PRMT8: variants seen among roughly 807,000 people sequenced by gnomAD.
The protein encoded by PRMT8 is protein arginine methyltransferase 8, also known as protein arginine N-methyltransferase 8.
PRMT8 carries 7 observed loss-of-function variants against 47.1 expected under a neutral mutation model. The ratio of observed to expected loss-of-function variants is 0.15; its 90% CI spans 0.08 to 0.28. The LOEUF is 0.28. Ranked by LOEUF, PRMT8 falls within the 10% of genes least tolerant of loss-of-function variation. The pLI, the probability that PRMT8 is intolerant of heterozygous loss-of-function variation, is 1.00. For missense variants in PRMT8, 237 were observed against 505.4 expected (o/e 0.47, Z 5.09); for synonymous variants, 188 against 186.5 (o/e 1.01, Z -0.07).
upstream of PRMT8, among the ~76,000 whole-genome samples, chr12:3,490,703 GAGAGAGAGAGAGAGAGA>G: frequency 6.9e-6 from 1 of 144,460 alleles, no homozygotes; most frequent in East Asian, 1.9e-4. Context: ...GAGAGAGAGA[GAGAGAGAGAGAGAGAGA>G]AAAGGATAAA....
intron 1 of PRMT8, among the ~76,000 whole-genome samples, chr12:3,527,318 C>T (rs1288087002): frequency 1.3e-5 from 2 of 151,942 alleles, no homozygotes; most frequent in Non-Finnish European, 2.9e-5. Flanking sequence ...GACAGTTAAG[C>T]TACTAAGTGA....
intron 1 of PRMT8, among the ~76,000 whole-genome samples, chr12:3,393,547 G>C (rs1015822075): frequency 1.3e-5 from 2 of 152,064 alleles, no homozygotes; most frequent in Non-Finnish European, 2.9e-5. Flanking sequence ...TATTTCTGAG[G>C]GCTCTGTTCT....
At chr12:3,519,237 G>C (rs532276851) in intron 1 of PRMT8, among the ~76,000 whole-genome samples, 5 of 152,196 alleles carry the variant, frequency 3.3e-5, no homozygotes, top group Admixed American at 1.3e-4. Context: ...ATGACAGAGA[G>C]AGAGAGAGAA....
At chr12:3,524,674 C>G (rs1006786007) in intron 1 of PRMT8, among the ~76,000 whole-genome samples, 1 of 150,812 alleles carries the variant, frequency 6.6e-6, no homozygotes, top group Non-Finnish European at 1.5e-5. Context: ...CACCTGAAGC[C>G]CCTACCCAAC....
intron 1 of PRMT8, among the ~76,000 whole-genome samples, chr12:3,447,775 T>A (rs1317246278): frequency 6.6e-6 from 1 of 152,220 alleles, no homozygotes; most frequent in Non-Finnish European, 1.5e-5. Context: ...TGACACATCA[T>A]CAAGGCTTAA....
intron 1 of PRMT8, among the ~76,000 whole-genome samples, chr12:3,496,214 A>ATTTTTTTTTTTTTTT (rs1555085718): frequency 3.6e-5 from 1 of 27,776 alleles, no homozygotes; most frequent in African/African-American, 8.8e-5. Context: ...ATATATATAT[A>ATTTTTTTTTTTTTTT]TTTTTTTTTT....
At chr12:3,458,076 C>T (rs1046936729) in intron 1 of PRMT8, among the ~76,000 whole-genome samples, 5 of 151,888 alleles carry the variant, frequency 3.3e-5, no homozygotes, top group African/African-American at 7.3e-5. Context: ...TTCTTGACCT[C>T]GTGATCCGCC....
chr12:3,461,248 T>G (rs1377782503), intron 1 of PRMT8, among the ~76,000 whole-genome samples: 3 of 152,176 alleles, frequency 2.0e-5, no homozygotes, highest in African/African-American at 7.2e-5. Context: ...CTGGGGCAGC[T>G]CTTACAACCC....
At position 3,576,875 on chromosome 12, in the gene PRMT8, G is replaced by T. The variant is rs1275622118; in HGVS notation, c.717G>T (p.Trp239Cys). The change falls in exon 7 of 10, where the codon TGG becomes TGT. Residue 239 changes from tryptophan to cysteine, a missense_variant. Physicochemically the swap from Trp to Cys is radical, Grantham distance 215. This residue lies in a region of PRMT8 where 151 missense variants were observed against 341.1 expected (regional missense o/e 0.44). Transcript: ENST00000382622. The surrounding 1 kb of genome is among the most constrained non-coding windows in gnomAD (Gnocchi z 4.0). Reference sequence around the variant, plus strand: ...CGTCTTGCTCTGCTCCCACAGGGTGGGAGAATGTCTATGGCTTTGACATGA... The same window carrying T: ...CGTCTTGCTCTGCTCCCACAGGGTGTGAGAATGTCTATGGCTTTGACATGA... ...RQYKDFKIHW[W>C]ENVYGFDMTC... The T allele has an allele frequency of 6.2e-7, 1 of 1,613,954 alleles. No homozygotes were observed. The highest frequency in any genetic ancestry group is 1.1e-5 in the South Asian group (1 of 91,072).
chr12:3,541,640 A>G (rs1311117803), intron 2 of PRMT8, among the ~76,000 whole-genome samples: 1 of 152,224 alleles, frequency 6.6e-6, no homozygotes, highest in Non-Finnish European at 1.5e-5. Flanking sequence ...GGTTTTCAAA[A>G]CAAGTCTTGA....
intron 1 of PRMT8, among the ~76,000 whole-genome samples, chr12:3,394,422 G>C (rs1270217100): frequency 2.6e-4 from 40 of 152,036 alleles, no homozygotes; most frequent in South Asian, 4.2e-4. Context: ...TAGCATGAAG[G>C]GTTGTTGAAT....
chr12:3,465,635 G>A (rs1386832392), intron 1 of PRMT8, among the ~76,000 whole-genome samples: 3 of 152,160 alleles, frequency 2.0e-5, no homozygotes, highest in Admixed American at 1.3e-4. Flanking sequence ...AGTCATTGAG[G>A]CTTATTGAAC....
At chr12:3,397,403 T>C (rs577655412) in intron 1 of PRMT8, among the ~76,000 whole-genome samples, 26 of 151,674 alleles carry the variant, frequency 1.7e-4, no homozygotes, top group Admixed American at 5.2e-4. Flanking sequence ...TGGATGTCCT[T>C]TCTGTTTGTT....
Position 3,491,312 on chromosome 12 carries a change from C to CTCA in PRMT8, c.-314_-313insTCA. 9.2e-7 allele frequency: 1 copy of CTCA among 1,091,532 alleles called. No homozygotes were observed. Among genetic ancestry groups the CTCA allele is most frequent in the Non-Finnish European group, 1.1e-6 (1 of 898,220 alleles). The allele number at this position is 1,091,532 out of a possible 1,614,324, so 67.6% of individuals were successfully genotyped here. A position where few individuals can be genotyped will look rare whatever the true frequency, so the allele number is the denominator to read the frequency against. ...TCCGCGACCGCCGCCGCCGCCGCCG[C>CTCA]GGAGGCTTCGGGGCTGCTTCCCTCG... On this transcript the variant is annotated 5_prime_UTR_variant, in exon 1 of 10. Transcript: ENST00000382622.
At chr12:3,420,083 A>T (rs1406062128) in intron 1 of PRMT8, among the ~76,000 whole-genome samples, 1 of 151,404 alleles carries the variant, frequency 6.6e-6, no homozygotes, top group African/African-American at 2.4e-5. Flanking sequence ...GCCTGGCTGT[A>T]CTGAACCAGT....
intron 1 of PRMT8, among the ~76,000 whole-genome samples, chr12:3,476,989 T>A (rs1050827643): frequency 1.3e-5 from 2 of 152,206 alleles, no homozygotes; most frequent in African/African-American, 4.8e-5. Context: ...GTTTGGGAAC[T>A]TCTATTTGTA....
At chr12:3,397,361 G>C (rs111970430) in intron 1 of PRMT8, among the ~76,000 whole-genome samples, 8,199 of 151,644 alleles carry the variant, frequency 0.054, 327 homozygotes, top group Non-Finnish European at 0.081. Context: ...TTTGGTCTTT[G>C]ATGATGGTGA....
intron 1 of PRMT8, among the ~76,000 whole-genome samples, chr12:3,446,769 G>T (rs1208147073): frequency 1.3e-5 from 2 of 152,210 alleles, no homozygotes; most frequent in Non-Finnish European, 2.9e-5. Context: ...ATTACCATCA[G>T]AAAATGTTCC....
intron 1 of PRMT8, among the ~76,000 whole-genome samples, chr12:3,471,564 C>T (rs11615106): frequency 0.014 from 2,071 of 151,726 alleles, 16 homozygotes; most frequent in Middle Eastern, 0.021. Flanking sequence ...CAGTCACCCC[C>T]CCTTGGCCCT....
Sources: allele counts gnomAD v4.1 joint callset (sites outside exome capture counted in the v4.1 genomes callset), GRCh38; gene constraint gnomAD v4.1.1; regional missense constraint gnomAD v4.1.1; non-coding constraint Gnocchi (gnomAD v3.1); transcripts MANE v1.5; gene names NCBI Gene and HGNC (gene_info 2026-07-23, HGNC 2026-07-21).